CYTH1: variants seen among roughly 807,000 people sequenced by gnomAD.
CYTH1 encodes the protein cytohesin-1.
In CYTH1, 18 loss-of-function variants were observed where a neutral mutation model predicts 61.8. That is an observed-to-expected ratio of 0.29 (90% confidence interval 0.20 to 0.43). CYTH1 has a LOEUF of 0.43. Ranked by LOEUF, CYTH1 falls within the 20% of genes least tolerant of loss-of-function variation. The pLI is 1.00. For missense variants in CYTH1, 336 were observed against 510.5 expected, an observed-to-expected ratio of 0.66 and a Z score of 3.29; for synonymous variants, 174 against 184.3, an observed-to-expected ratio of 0.94 and a Z score of 0.45.
intron 1 of CYTH1, among the ~76,000 whole-genome samples, chr17:78,729,050 A>G (rs2093280417): frequency 6.6e-6 from 1 of 152,224 alleles, no homozygotes; most frequent in Non-Finnish European, 1.5e-5. Flanking sequence ...AAAGGTAAAC[A>G]ACTAGGACAA....
chr17:78,680,591 C>T (rs1322272754), intron 12 of CYTH1, among the ~76,000 whole-genome samples: 2 of 152,184 alleles, frequency 1.3e-5, no homozygotes, highest in East Asian at 1.9e-4. Context: ...ACGTAAAATG[C>T]GGAGAGAACT....
rs962853783 is a variant in CYTH1 at position 78,707,539 on chromosome 17, C to A, written c.170+658G>T. On this transcript the variant is annotated intron_variant, in intron 3 of 13. Coordinates refer to ENST00000446868, the MANE Select transcript of CYTH1 (RefSeq NM_004762.6). ...CAGCCCTTTGAAATCGTATCAGCAG[C>A]ATTCATTAAGCTTTTCCTTTACACA... is the stretch of plus-strand genomic sequence containing the variant. Among the ~76,000 whole-genome samples the A allele has an allele frequency of 2.0e-5, 3 of 152,286 alleles. No individual in the cohort carries two copies. In the South Asian group the frequency reaches 6.2e-4, roughly 32 times the overall value.
At chr17:78,751,270 T>C (rs1400309683) in intron 1 of CYTH1, among the ~76,000 whole-genome samples, 1 of 152,108 alleles carries the variant, frequency 6.6e-6, no homozygotes, top group Non-Finnish European at 1.5e-5. Flanking sequence ...TGAGCCACCA[T>C]GCCCAGCCAA....
intron 1 of CYTH1, among the ~76,000 whole-genome samples, chr17:78,752,262 G>A (rs1272660927): frequency 1.3e-5 from 2 of 152,114 alleles, no homozygotes; most frequent in Non-Finnish European, 2.9e-5. Context: ...AAAGGGAAAT[G>A]TTAGTTATTA....
At chr17:78,682,588 G>A (rs1449038437) in intron 11 of CYTH1, among the ~76,000 whole-genome samples, 1 of 152,158 alleles carries the variant, frequency 6.6e-6, no homozygotes, top group East Asian at 1.9e-4. Context: ...TGTGTGGGTG[G>A]TAACATTTCT....
intron 1 of CYTH1, among the ~76,000 whole-genome samples, chr17:78,771,039 G>A (rs1309322469): frequency 6.6e-6 from 1 of 152,106 alleles, no homozygotes; most frequent in Admixed American, 6.5e-5. Flanking sequence ...GAGGTGGACA[G>A]ATCACATGAG....
At chr17:78,756,769 G>A (rs983144712) in intron 1 of CYTH1, among the ~76,000 whole-genome samples, 3 of 151,880 alleles carry the variant, frequency 2.0e-5, no homozygotes, top group African/African-American at 7.3e-5. Flanking sequence ...CAAGGCTGCA[G>A]TGAGCTATGA....
intron 1 of CYTH1, among the ~76,000 whole-genome samples, chr17:78,744,845 C>CAAAAAAAAAAA (rs3038702): frequency 1.0e-5 from 1 of 98,154 alleles, no homozygotes; most frequent in Non-Finnish European, 2.2e-5. Context: ...GATTAGATGT[C>CAAAAAAAAAAA]AAAAAAAAAA....
chr17:78,692,038 C>T (rs1037686010), intron 11 of CYTH1: 1 of 173,460 alleles, frequency 5.8e-6, no homozygotes, highest in Admixed American at 6.4e-5. Flanking sequence ...TTCTAAATCA[C>T]GATTATTTCC....
intron 9 of CYTH1, among the ~76,000 whole-genome samples, chr17:78,696,410 A>T (rs549605518): frequency 6.6e-6 from 1 of 152,374 alleles, no homozygotes; most frequent in East Asian, 1.9e-4. Context: ...CACTTTTTAA[A>T]GTGTGTGTAA....
At chr17:78,734,059 G>A (rs2093308363) in intron 1 of CYTH1, among the ~76,000 whole-genome samples, 1 of 152,112 alleles carries the variant, frequency 6.6e-6, no homozygotes, top group Non-Finnish European at 1.5e-5. Flanking sequence ...ACACAAGCCT[G>A]GCCAACATGG....
chr17:78,691,819 T>C (rs567863601), intron 11 of CYTH1: 1 of 152,378 alleles, frequency 6.6e-6, no homozygotes, highest in Non-Finnish European at 1.5e-5. Context: ...TTGGCTATTA[T>C]TACAAAAGAG....
intron 1 of CYTH1, among the ~76,000 whole-genome samples, chr17:78,710,296 A>C (rs2093115429): frequency 1.3e-5 from 2 of 152,216 alleles, no homozygotes; most frequent in Admixed American, 6.5e-5. Context: ...TCAGTGCTTA[A>C]CTCTGGGAAC....
chr17:78,719,971 C>A (rs1018788299), intron 1 of CYTH1, among the ~76,000 whole-genome samples: 1 of 152,110 alleles, frequency 6.6e-6, no homozygotes, highest in Admixed American at 6.5e-5. Context: ...CACGGATGAA[C>A]CTGGAGGACA....
intron 1 of CYTH1, among the ~76,000 whole-genome samples, chr17:78,766,475 T>C (rs1375449476): frequency 6.6e-6 from 1 of 152,164 alleles, no homozygotes; most frequent in Non-Finnish European, 1.5e-5. Context: ...AAACCCAGTT[T>C]ACCAGAGTCC....
chr17:78,765,623 T>TA, intron 1 of CYTH1, among the ~76,000 whole-genome samples: 1 of 152,192 alleles, frequency 6.6e-6, no homozygotes, highest in Non-Finnish European at 1.5e-5. Flanking sequence ...TCTGACTCTA[T>TA]TTTATTGTCA....
chr17:78,731,302 A>T (rs1316995380), intron 1 of CYTH1, among the ~76,000 whole-genome samples: 1 of 152,158 alleles, frequency 6.6e-6, no homozygotes, highest in Non-Finnish European at 1.5e-5. Flanking sequence ...AAGGCACCTC[A>T]TGGCTTTAAG....
chr17:78,686,726 G>A (rs1356826422), intron 11 of CYTH1, among the ~76,000 whole-genome samples: 3 of 152,174 alleles, frequency 2.0e-5, no homozygotes. Flanking sequence ...AGGCAGGGGA[G>A]GGAAGATGGT....
At chr17:78,712,393 C>G (rs1428640789) in intron 1 of CYTH1, among the ~76,000 whole-genome samples, 1 of 152,078 alleles carries the variant, frequency 6.6e-6, no homozygotes, top group Non-Finnish European at 1.5e-5. Context: ...TGGCTCACAC[C>G]TGTAATCTCA....
Sources: gnomAD v4.1 joint callset for allele counts (sites outside exome capture counted in the v4.1 genomes callset) on GRCh38, gnomAD v4.1.1 for gene constraint, MANE v1.5 for transcripts, NCBI Gene and HGNC (gene_info 2026-07-23, HGNC 2026-07-21) for gene names.